The following FSD1 variants were observed in gnomAD, a reference collection of about 807,000 sequenced individuals.
FSD1 encodes the protein fibronectin type III and SPRY domain containing 1.
FSD1 carries 23 observed loss-of-function variants against 58.2 expected under a neutral mutation model. The observed-to-expected ratio is 0.40, with a 90% CI of 0.28 to 0.56. The LOEUF (loss-of-function observed/expected upper bound fraction) is 0.56. FSD1 is among the 20% of genes least tolerant of loss of function. The pLI is 0.54. For missense variants in FSD1, 563 were observed against 670.8 expected (o/e 0.84, Z 1.78); for synonymous variants, 265 against 263.4 (o/e 1.01, Z -0.06).
At chr19:4,312,962 A>G (rs1178207775) in intron 7 of FSD1, among the ~76,000 whole-genome samples, 2 of 151,710 alleles carry the variant, frequency 1.3e-5, no homozygotes, top group African/African-American at 4.8e-5. Context: ...TCCTCGGAGC[A>G]GGGAACAAAG....
chr19:4,306,160 A>G, intron 2 of FSD1, 38 bp from the exon 3 acceptor site: 1 of 1,613,724 alleles, frequency 6.2e-7, no homozygotes, highest in Non-Finnish European at 8.5e-7. Flanking sequence ...TCCCTCTCTG[A>G]ACACGGGCTT....
At chr19:4,314,160 G>A (rs1354309434) in intron 7 of FSD1, among the ~76,000 whole-genome samples, 4 of 152,160 alleles carry the variant, frequency 2.6e-5, no homozygotes, top group Admixed American at 6.6e-5. Context: ...CTAGTTATCT[G>A]TAATTAGCAT....
intron 7 of FSD1, 34 bp from the exon 8 acceptor site, chr19:4,317,146 AAT>A: frequency 8.7e-7 from 1 of 1,152,644 alleles, no homozygotes; most frequent in Non-Finnish European, 1.3e-6. Context: ...CTCAGGGAAT[AAT>A]ACACAGTGTT....
Position 4,304,634 on chromosome 19 carries a change from C to A in FSD1, c.-113C>A. 1.8e-6 allele frequency: 1 copy of A among 564,708 alleles called. No homozygotes were observed. Among genetic ancestry groups the A allele is most frequent in the South Asian group, 8.7e-5 (1 of 11,462 alleles). 35.0% of individuals were successfully genotyped at this position (564,708 alleles called of 1,614,324 possible). ...GGTGATGGAGCGCTAACCGGGGGCG[C>A]GGCGGCGGCGAGGGCTCGGCGGGCC... On this transcript the variant is annotated 5_prime_UTR_variant, in exon 1 of 13. Transcript: ENST00000221856.
intron 7 of FSD1, among the ~76,000 whole-genome samples, chr19:4,312,352 A>G (rs11878911): frequency 0.11 from 16,758 of 151,974 alleles, 1,170 homozygotes; most frequent in South Asian, 0.21. Flanking sequence ...TTAGCCGGGC[A>G]TGGTATCGGG....
At chr19:4,312,762 G>A (rs534194122) in intron 7 of FSD1, among the ~76,000 whole-genome samples, 5 of 151,640 alleles carry the variant, frequency 3.3e-5, no homozygotes, top group South Asian at 2.1e-4. Flanking sequence ...CCTAGATTGC[G>A]CCACTGCACT....
chr19:4,311,752 C>A lies in FSD1; in HGVS notation c.491-90C>A, dbSNP rs1009996757. The A allele has an allele frequency of 4.1e-6, 5 of 1,223,694 alleles. No individual in the cohort carries two copies. In the African/African-American group the frequency reaches 5.9e-5, roughly 15 times the overall value. 75.8% of individuals were successfully genotyped at this position (1,223,694 alleles called of 1,614,324 possible). A position where few individuals can be genotyped will look rare whatever the true frequency, so the allele number is the denominator to read the frequency against. ...TTGTGGCCATGCCCCCAAAATTGTCCAACATGTGGTTGGGCAGCCCTGCAG... is the reference window on the plus strand; with the variant it reads ...TTGTGGCCATGCCCCCAAAATTGTCAAACATGTGGTTGGGCAGCCCTGCAG... On this transcript the variant is annotated intron_variant, in intron 6 of 12. Coordinates refer to ENST00000221856, the MANE Select transcript of FSD1 (RefSeq NM_024333.3).
chr19:4,321,179 A>G (rs1189063146), intron 10 of FSD1, among the ~76,000 whole-genome samples: 38 of 102,042 alleles, frequency 3.7e-4, no homozygotes, highest in African/African-American at 1.5e-3. Flanking sequence ...CTGGGACCTG[A>G]GGAGCATCTG....
At chr19:4,306,503 T>A (rs1971624552) in intron 3 of FSD1, among the ~76,000 whole-genome samples, 174 bp downstream of exon 3, 1 of 151,920 alleles carries the variant, frequency 6.6e-6, no homozygotes, top group Admixed American at 6.6e-5. Context: ...GGTCTCGCTC[T>A]GTCGCCCAGG....
At chr19:4,306,433 A>G in intron 3 of FSD1, 104 bp downstream of exon 3, 1 of 1,149,506 alleles carries the variant, frequency 8.7e-7, no homozygotes, top group Non-Finnish European at 1.3e-6. Context: ...CGAGTTTCTG[A>G]TCTCTCCCCT....
In FSD1 at chr19:4,304,739, C is replaced by T; in HGVS notation, c.-8C>T. 2.8e-6 allele frequency: 3 copies of T among 1,079,194 alleles called. No homozygotes were observed. The highest frequency in any genetic ancestry group is 3.4e-6 in the Non-Finnish European group (3 of 885,100). 66.9% of individuals were successfully genotyped at this position (1,079,194 alleles called of 1,614,324 possible). On this transcript the variant is annotated 5_prime_UTR_variant, in exon 1 of 13. Coordinates refer to ENST00000221856, the MANE Select transcript of FSD1 (RefSeq NM_024333.3). ...GCGGGCCGGGCCGGGGTGACCTGGG[C>T]TGCAGCCATGGAAGAACAGAGGGTA...
At chr19:4,306,472 C>CAT in intron 3 of FSD1, 143 bp downstream of exon 3, 1 of 577,746 alleles carries the variant, frequency 1.7e-6, no homozygotes. Context: ...TACACTCTCT[C>CAT]TTTTTTTTTT....
intron 1 of FSD1, among the ~76,000 whole-genome samples, chr19:4,305,074 C>A (rs1221862707): frequency 1.4e-5 from 2 of 142,934 alleles, no homozygotes; most frequent in Non-Finnish European, 3.1e-5. Context: ...TCCCGGCCCC[C>A]CGCCCCACCC....
chr19:4,312,415 C>T (rs926540602), intron 7 of FSD1, among the ~76,000 whole-genome samples: 7 of 151,876 alleles, frequency 4.6e-5, no homozygotes, highest in African/African-American at 1.2e-4. Flanking sequence ...TGCTTGAACC[C>T]GGAAGGTGGA....
intron 6 of FSD1, chr19:4,310,927 A>C (rs1962623983): frequency 4.6e-6 from 1 of 217,990 alleles, no homozygotes; most frequent in Non-Finnish European, 9.3e-6. Context: ...TGAGAAGGTC[A>C]AACTCACCAG....
chr19:4,313,135 G>A (rs890534178), intron 7 of FSD1, among the ~76,000 whole-genome samples: 1 of 148,258 alleles, frequency 6.7e-6, no homozygotes, highest in Non-Finnish European at 1.5e-5. Context: ...ATTGCTTGAG[G>A]CCAGGAGCTG....
chr19:4,307,027 G>A (rs1230877022), intron 3 of FSD1, among the ~76,000 whole-genome samples: 5 of 152,152 alleles, frequency 3.3e-5, no homozygotes, highest in African/African-American at 1.2e-4. Context: ...GAGCCCTGGA[G>A]CTCGGATGTG....
At chr19:4,319,583 G>A (rs749546957) in intron 10 of FSD1, among the ~76,000 whole-genome samples, 3 of 152,134 alleles carry the variant, frequency 2.0e-5, no homozygotes, top group Non-Finnish European at 4.4e-5. Flanking sequence ...GGAAGTTAGG[G>A]AGTAGCTGGG....
At chr19:4,313,403 G>A (rs1408505038) in intron 7 of FSD1, among the ~76,000 whole-genome samples, 1 of 151,710 alleles carries the variant, frequency 6.6e-6, no homozygotes, top group African/African-American at 2.4e-5. Context: ...CCACCCAGCT[G>A]GTGGAGGTAG....
Sources: allele counts gnomAD v4.1 joint callset (sites outside exome capture counted in the v4.1 genomes callset), GRCh38; gene constraint gnomAD v4.1.1; transcripts MANE v1.5; gene names NCBI Gene and HGNC (gene_info 2026-07-23, HGNC 2026-07-21).